The following RNF212B variants were observed in gnomAD, a reference collection of about 807,000 sequenced individuals.
The protein encoded by RNF212B is ring finger protein 212B.
In RNF212B, 52 loss-of-function variants were observed where a neutral mutation model predicts 55.5. The ratio of observed to expected loss-of-function variants is 0.94; its 90% CI spans 0.75 to 1.18. The LOEUF is 1.18. RNF212B is among the 50% of genes most tolerant of loss of function. The probability of loss-of-function intolerance (pLI) is 0.00; values close to 1 mark genes in which losing one functional copy is unlikely to be tolerated. For missense variants in RNF212B, 289 were observed against 350.4 expected, an observed-to-expected ratio of 0.82 and a Z score of 1.40; for synonymous variants, 99 against 121.4, an observed-to-expected ratio of 0.82 and a Z score of 1.21.
In RNF212B at chr14:23,240,889, A is replaced by C. The variant is rs144209502; in HGVS notation, c.100+444A>C. On this transcript the variant is annotated intron_variant, in intron 2 of 14. Transcript: ENST00000430154. Reference sequence around the variant, plus strand: ...GCAGCTTAAAAAGCAGTTTCATATCAACCAATTTTATGTAAGCCTCACCAC... The same window carrying C: ...GCAGCTTAAAAAGCAGTTTCATATCCACCAATTTTATGTAAGCCTCACCAC... 4.1e-3 allele frequency among the ~76,000 whole-genome samples: 623 copies of C among 152,336 alleles called. 10 individuals are homozygous for C. The highest frequency in any genetic ancestry group is 0.014 in the African/African-American group (600 of 41,574).
chr14:23,232,212 G>C (rs140934507), intron 2 of RNF212B, among the ~76,000 whole-genome samples: 2 of 149,762 alleles, frequency 1.3e-5, no homozygotes, highest in Non-Finnish European at 3.0e-5. Context: ...GTCTCTGCCC[G>C]GCTGCCCATC....
intron 7 of RNF212B, among the ~76,000 whole-genome samples, 181 bp downstream of exon 7, chr14:23,260,868 G>C (rs972202701): frequency 6.6e-6 from 1 of 152,202 alleles, no homozygotes; most frequent in African/African-American, 2.4e-5. Context: ...GCTCACCCTG[G>C]ATTGTCATCT....
At chr14:23,249,787 T>C (rs1884271648) in intron 4 of RNF212B, among the ~76,000 whole-genome samples, 1 of 152,156 alleles carries the variant, frequency 6.6e-6, no homozygotes, top group South Asian at 2.1e-4. Flanking sequence ...CCAGAGTGGG[T>C]ACTTCAGACA....
chr14:23,213,185 C>T (rs1368919941), intron 2 of RNF212B, among the ~76,000 whole-genome samples: 2 of 151,718 alleles, frequency 1.3e-5, no homozygotes, highest in Non-Finnish European at 2.9e-5. Flanking sequence ...TGGTGGCAGG[C>T]GCCTGTAGTC....
intron 2 of RNF212B, among the ~76,000 whole-genome samples, chr14:23,198,382 A>C (rs909304807): frequency 1.3e-5 from 2 of 152,164 alleles, no homozygotes; most frequent in South Asian, 4.1e-4. Flanking sequence ...AATATCAAAA[A>C]AGGTCCACAT....
At position 23,248,332 on chromosome 14, in the gene RNF212B, T is replaced by C. The variant is rs1423667227; in HGVS notation, c.228+3936T>C. Among the ~76,000 whole-genome samples the C allele has an allele frequency of 2.6e-5, 4 of 151,164 alleles. No individual in the cohort carries two copies. The East Asian group carries it at 5.8e-4, about 22-fold the overall frequency. On this transcript the variant is annotated intron_variant, in intron 4 of 14. Coordinates refer to ENST00000430154, the MANE Select transcript of RNF212B (RefSeq NM_001282322.3). ...TTTTTTTTTAATAGATACAGGGTTT[T>C]ACCATGTTGCCCAGGTCTCGAACCC...
At position 23,269,945 on chromosome 14, in the gene RNF212B, A is replaced by T; in HGVS notation, c.757A>T (p.Thr253Ser). 1 of 1,540,216 alleles carries T rather than the reference A, an allele frequency of 6.5e-7. No individual in the cohort carries two copies. The highest frequency in any genetic ancestry group is 8.8e-7 in the Non-Finnish European group (1 of 1,137,584). ...GCATTCAGGCCACACAAGAGTCCTCACCCCCAACAATTTTGGTAAGTTAAA... is the reference window on the plus strand; with the variant it reads ...GCATTCAGGCCACACAAGAGTCCTCTCCCCCAACAATTTTGGTAAGTTAAA... ...NGHSGHTRVL[T>S]PNNFAQREST... is the part of the protein sequence containing the mutation. Residue 253 changes from threonine to serine, a missense_variant, in exon 13 of 15, where the codon ACC becomes TCC. Physicochemically the swap from Thr to Ser is moderately conservative, Grantham distance 58. Coordinates refer to ENST00000430154, the MANE Select transcript of RNF212B (RefSeq NM_001282322.3).
Position 23,264,678 on chromosome 14 carries a change from TG to T in RNF212B, c.634+13del. ...CCCAGAGACTCTTATAATGGTGAGG[TG>T]GGGGGAAAAGGGTGTCAGAAATCAA... On this transcript the variant is annotated splice_region_variant and intron_variant, in intron 11 of 14. Coordinates refer to ENST00000430154, the MANE Select transcript of RNF212B (RefSeq NM_001282322.3). 8 of 1,292,686 alleles carry T rather than the reference TG, an allele frequency of 6.2e-6. No homozygotes were observed. Among genetic ancestry groups the T allele is most frequent in the Admixed American group, 3.7e-5 (1 of 26,864 alleles). The allele number at this position is 1,292,686 out of a possible 1,614,324, so 80.1% of individuals were successfully genotyped here. A position where few individuals can be genotyped will look rare whatever the true frequency, so the allele number is the denominator to read the frequency against.
At chr14:23,229,357 C>T (rs75170914) in intron 2 of RNF212B, among the ~76,000 whole-genome samples, 37,582 of 149,028 alleles carry the variant, frequency 0.25, 4,893 homozygotes, top group African/African-American at 0.31. Flanking sequence ...TTGGTGTACA[C>T]ATATCTGTTT....
At position 23,244,358 on chromosome 14, in the gene RNF212B, G is replaced by T. The variant is rs1033715913; in HGVS notation, c.190G>T (p.Val64Leu). The change falls in exon 4 of 15, where the codon GTG becomes TTG. Residue 64 changes from valine (V) to leucine (L), a missense_variant. By Grantham distance (32) the Val-to-Leu change is conservative. Coordinates refer to ENST00000430154, the MANE Select transcript of RNF212B (RefSeq NM_001282322.3). ...PQEKMFFKSPVETALQYFSHI... is the reference protein window; with the variant it reads ...PQEKMFFKSPLETALQYFSHI... ...GGAGAAGATGTTTTTCAAAAGTCCT[G>T]TGGAGACAGCTTTGCAGTATTTTAG... The T allele has an allele frequency of 6.5e-7, 1 of 1,547,194 alleles. No homozygotes were observed. The highest frequency in any genetic ancestry group is 8.7e-7 in the Non-Finnish European group (1 of 1,145,938).
Position 23,260,563 on chromosome 14 carries a change from G to C in RNF212B, c.406-96G>C. 3 of 1,095,052 alleles carry C rather than the reference G, an allele frequency of 2.7e-6. No homozygotes were observed. In the South Asian group the frequency reaches 4.1e-5, roughly 15 times the overall value. 67.8% of individuals were successfully genotyped at this position (1,095,052 alleles called of 1,614,324 possible). On this transcript the variant is annotated intron_variant, in intron 6 of 14. Coordinates refer to ENST00000430154, the MANE Select transcript of RNF212B (RefSeq NM_001282322.3). ...GGAGTCTTAGCAACCATGACTAAGG[G>C]GCACTGAGCTTAGTTATCTCGCAAG...
chr14:23,258,286 C>T (rs531952347), intron 4 of RNF212B, among the ~76,000 whole-genome samples: 2 of 145,868 alleles, frequency 1.4e-5, no homozygotes, highest in Admixed American at 7.0e-5. Context: ...TACGGTGAGC[C>T]GAGATCGCAC....
intron 13 of RNF212B, 142 bp downstream of exon 13, chr14:23,270,102 A>C (rs911346830): frequency 9.7e-6 from 6 of 620,024 alleles, no homozygotes; most frequent in African/African-American, 7.4e-5. Context: ...ATTCTTTAAG[A>C]GCCATCCCAT....
Position 23,214,750 on chromosome 14 carries a change from T to C in RNF212B, c.-2+21349T>C, listed in dbSNP as rs546851080. Among the ~76,000 whole-genome samples the C allele has an allele frequency of 5.3e-5, 8 of 152,014 alleles. No individual in the cohort carries two copies. The South Asian group carries it at 1.7e-3, about 32-fold the overall frequency. On this transcript the variant is annotated intron_variant, in intron 2 of 15. Transcript: ENST00000399910. The stretch of plus-strand genomic sequence containing the variant: ...CTTCAGAAATCAGATTTAACATTTG[T>C]GTCATTGTAGTCCCAGAAAAAGAGG...
At chr14:23,239,580 T>G (rs1477052782) in intron 1 of RNF212B, among the ~76,000 whole-genome samples, 1 of 152,172 alleles carries the variant, frequency 6.6e-6, no homozygotes, top group East Asian at 1.9e-4. Context: ...ATTCATTTTT[T>G]GTTTTTATAT....
intron 2 of RNF212B, among the ~76,000 whole-genome samples, chr14:23,216,113 G>A (rs1477229380): frequency 6.6e-6 from 1 of 152,164 alleles, no homozygotes; most frequent in Non-Finnish European, 1.5e-5. Flanking sequence ...GAGTGTGGTG[G>A]CGGGTGCCTG....
chr14:23,272,905 T>C lies in RNF212B; in HGVS notation c.*14T>C. The C allele has an allele frequency of 6.8e-7, 1 of 1,472,336 alleles. No homozygotes were observed. Among genetic ancestry groups the C allele is most frequent in the Non-Finnish European group, 9.2e-7 (1 of 1,082,534 alleles). 91.2% of individuals were successfully genotyped at this position (1,472,336 alleles called of 1,614,324 possible). Reference sequence around the variant, plus strand: ...ACTTCTAGATAGATCATCTTCAAGATCTGATCTATACATGCTGCTGAAGGA... The same window carrying C: ...ACTTCTAGATAGATCATCTTCAAGACCTGATCTATACATGCTGCTGAAGGA... On this transcript the variant is annotated 3_prime_UTR_variant, in exon 15 of 15. Transcript: ENST00000430154.
chr14:23,207,947 AC>A (rs1167986214), intron 2 of RNF212B, among the ~76,000 whole-genome samples: 3 of 152,232 alleles, frequency 2.0e-5, no homozygotes, highest in Non-Finnish European at 2.9e-5. Flanking sequence ...CTTCCAGGTC[AC>A]AGATAAATGA....
chr14:23,256,048 A>T (rs1345253168), intron 4 of RNF212B, among the ~76,000 whole-genome samples: 1 of 152,096 alleles, frequency 6.6e-6, no homozygotes, highest in African/African-American at 2.4e-5. Flanking sequence ...GCCTGGCAAA[A>T]GACCCTCCCA....
Sources: gnomAD v4.1 joint callset for allele counts (sites outside exome capture counted in the v4.1 genomes callset) on GRCh38, gnomAD v4.1.1 for gene constraint, MANE v1.5 for transcripts, NCBI Gene and HGNC (gene_info 2026-07-23, HGNC 2026-07-21) for gene names.